Variants in TSPAN18 observed in about 807,000 individuals in gnomAD.
TSPAN18 encodes the protein tetraspanin-18.
Under a neutral mutation model 27.3 loss-of-function variants are expected in TSPAN18, and 14 were observed. That is an observed-to-expected ratio of 0.51 (90% CI 0.34 to 0.80). The LOEUF is 0.80. TSPAN18 is among the 30% of genes least tolerant of loss of function. The probability of loss-of-function intolerance (pLI) is 0.01; values close to 1 mark genes in which losing one functional copy is unlikely to be tolerated. For missense variants in TSPAN18, 268 were observed against 323.9 expected (o/e 0.83, Z 1.32); for synonymous variants, 143 against 136.5 (o/e 1.05, Z -0.33).
chr11:44,832,969 C>G (rs1484636409), intron 2 of TSPAN18, among the ~76,000 whole-genome samples: 1 of 152,234 alleles, frequency 6.6e-6, no homozygotes, highest in East Asian at 1.9e-4. Context: ...TTCTCTGTGC[C>G]TTTGCCCACA....
At chr11:44,753,323 G>T (rs567525337) in intron 1 of TSPAN18, among the ~76,000 whole-genome samples, 2 of 152,190 alleles carry the variant, frequency 1.3e-5, no homozygotes, top group Non-Finnish European at 2.9e-5. Flanking sequence ...GTAGAGACAG[G>T]GTTTCACCAT....
At chr11:44,902,948 C>T (rs965096256) in intron 3 of TSPAN18, among the ~76,000 whole-genome samples, 1 of 152,134 alleles carries the variant, frequency 6.6e-6, no homozygotes, top group African/African-American at 2.4e-5. Context: ...CATGCCTTAG[C>T]CCAGCACCAG....
At chr11:44,752,813 T>G (rs866615758) in intron 1 of TSPAN18, among the ~76,000 whole-genome samples, 1 of 152,204 alleles carries the variant, frequency 6.6e-6, no homozygotes, top group Non-Finnish European at 1.5e-5. Context: ...CTGGATTGGA[T>G]ATAAAACTGG....
intron 2 of TSPAN18, among the ~76,000 whole-genome samples, chr11:44,815,643 T>C (rs1048338029): frequency 1.8e-4 from 27 of 152,144 alleles, no homozygotes; most frequent in Admixed American, 6.5e-5. Flanking sequence ...ATGGTGATAA[T>C]GATAAATACA....
intron 2 of TSPAN18, among the ~76,000 whole-genome samples, chr11:44,838,792 T>C (rs1857313043): frequency 1.3e-5 from 2 of 152,216 alleles, no homozygotes; most frequent in African/African-American, 4.8e-5. Flanking sequence ...TGTGTACCAT[T>C]TAAAAGGACT....
intron 2 of TSPAN18, among the ~76,000 whole-genome samples, chr11:44,808,128 C>G (rs1856640545): frequency 6.6e-6 from 1 of 152,164 alleles, no homozygotes; most frequent in Non-Finnish European, 1.5e-5. Flanking sequence ...TATTATGTGC[C>G]AGGAGCTTCA....
In TSPAN18 at chr11:44,909,691, A is replaced by G. The variant is rs762747120; in HGVS notation, c.64-14A>G. The G allele has an allele frequency of 5.0e-6, 8 of 1,603,458 alleles. No homozygotes were observed. Among genetic ancestry groups the G allele is most frequent in the South Asian group, 1.1e-5 (1 of 90,632 alleles). The stretch of plus-strand genomic sequence containing the variant: ...GCCTGTTTCTCCTCCCAACTCCTCC[A>G]CTGGCCCGAGCAGCTGGGCGGGGCC... On this transcript the variant is annotated splice_polypyrimidine_tract_variant and intron_variant, in intron 4 of 9. Transcript: ENST00000520358.
intron 8 of TSPAN18, among the ~76,000 whole-genome samples, chr11:44,922,451 A>G (rs1261572293): frequency 6.6e-6 from 1 of 152,038 alleles, no homozygotes; most frequent in East Asian, 1.9e-4. Context: ...TGGCAGGCCC[A>G]TGGCAAGGAT....
intron 2 of TSPAN18, among the ~76,000 whole-genome samples, chr11:44,766,138 G>T (rs1221414800): frequency 6.6e-6 from 1 of 152,182 alleles, no homozygotes; most frequent in Admixed American, 6.5e-5. Flanking sequence ...CACTTTCTTA[G>T]TCACCAATCT....
chr11:44,778,521 C>A (rs1446932752), intron 2 of TSPAN18, among the ~76,000 whole-genome samples: 1 of 152,028 alleles, frequency 6.6e-6, no homozygotes, highest in East Asian at 1.9e-4. Context: ...GGTGGCTGGA[C>A]CTTAGGGTAG....
chr11:44,809,474 T>C lies in TSPAN18; in HGVS notation c.-153+44962T>C, dbSNP rs562034701. Among the ~76,000 whole-genome samples the C allele has an allele frequency of 1.5e-4, 23 of 152,298 alleles. No individual in the cohort carries two copies. In the South Asian group the frequency reaches 3.9e-3, roughly 26 times the overall value. ...ATTCACATCAGTGGCTCCCCAGGAATTGGGAAGGAGCCATTTGAGAAGCAG... is the reference window on the plus strand; with the variant it reads ...ATTCACATCAGTGGCTCCCCAGGAACTGGGAAGGAGCCATTTGAGAAGCAG... On this transcript the variant is annotated intron_variant, in intron 2 of 9. Coordinates refer to ENST00000520358, the MANE Select transcript of TSPAN18 (RefSeq NM_130783.5).
chr11:44,810,412 G>A (rs889851219), intron 2 of TSPAN18, among the ~76,000 whole-genome samples: 1 of 151,996 alleles, frequency 6.6e-6, no homozygotes, highest in African/African-American at 2.4e-5. Flanking sequence ...TGGCTTCTTA[G>A]CATGCTTTCA....
At chr11:44,800,488 G>C (rs1333268793) in intron 2 of TSPAN18, among the ~76,000 whole-genome samples, 3 of 152,186 alleles carry the variant, frequency 2.0e-5, no homozygotes. Flanking sequence ...GGTTGGGTGA[G>C]CCCCTCTGTC....
At chr11:44,769,048 C>T (rs1159703182) in intron 2 of TSPAN18, among the ~76,000 whole-genome samples, 1 of 152,044 alleles carries the variant, frequency 6.6e-6, no homozygotes, top group Non-Finnish European at 1.5e-5. Context: ...GCGCATGCTA[C>T]CATGCCCAGC....
chr11:44,786,307 C>T (rs1432598674), intron 2 of TSPAN18, among the ~76,000 whole-genome samples: 1 of 152,198 alleles, frequency 6.6e-6, no homozygotes, highest in Non-Finnish European at 1.5e-5. Context: ...TCCTTTCTGT[C>T]CTGTGGGCTG....
intron 2 of TSPAN18, among the ~76,000 whole-genome samples, chr11:44,832,585 A>G (rs745392918): frequency 4.6e-5 from 7 of 152,136 alleles, no homozygotes; most frequent in Non-Finnish European, 1.0e-4. Context: ...CAAGCCAGTC[A>G]TATTCCTCCC....
At chr11:44,900,680 C>CTTTTTTTTTTTTTTTTTTTTTTTTT (rs72469181) in intron 3 of TSPAN18, among the ~76,000 whole-genome samples, 1 of 49,702 alleles carries the variant, frequency 2.0e-5, no homozygotes, top group African/African-American at 9.0e-5. Context: ...TTGAGGAAGG[C>CTTTTTTTTTTTTTTTTTTTTTTTTT]TTTTTTTTTT....
intron 1 of TSPAN18, among the ~76,000 whole-genome samples, chr11:44,751,243 T>C (rs78291863): frequency 0.054 from 8,175 of 152,262 alleles, 299 homozygotes; most frequent in African/African-American, 0.096. Context: ...CTGCACACTT[T>C]GTGTTCTGGG....
intron 2 of TSPAN18, among the ~76,000 whole-genome samples, chr11:44,782,041 A>C (rs1452345685): frequency 6.6e-6 from 1 of 152,206 alleles, no homozygotes; most frequent in East Asian, 1.9e-4. Flanking sequence ...TTTATTGCTG[A>C]ATAATAGTCC....
Sources: allele counts gnomAD v4.1 joint callset (sites outside exome capture counted in the v4.1 genomes callset), GRCh38; gene constraint gnomAD v4.1.1; transcripts MANE v1.5; gene names NCBI Gene and HGNC (gene_info 2026-07-23, HGNC 2026-07-21).